Variants in DTWD2 observed in about 807,000 individuals in gnomAD.
DTWD2 encodes the protein tRNA-uridine aminocarboxypropyltransferase 2.
DTWD2 carries 39 observed loss-of-function variants against 31.8 expected under a neutral mutation model. The ratio of observed to expected loss-of-function variants is 1.22; its 90% confidence interval spans 0.95 to 1.60. The LOEUF (loss-of-function observed/expected upper bound fraction) is 1.60, where lower values mean the gene tolerates loss of function less well. Among genes scored for constraint, DTWD2 ranks in the 40% most tolerant of loss-of-function variants. The pLI is 0.00. For missense variants in DTWD2, 515 were observed against 381.5 expected, an observed-to-expected ratio of 1.35 and a Z score of -2.92; for synonymous variants, 180 against 142.8, an observed-to-expected ratio of 1.26 and a Z score of -1.86.
At chr5:118,848,782 T>A (rs1389878416) in intron 4 of DTWD2, among the ~76,000 whole-genome samples, 1 of 152,168 alleles carries the variant, frequency 6.6e-6, no homozygotes, top group African/African-American at 2.4e-5. Flanking sequence ...GGGAAAGGAT[T>A]CCCTATTTAA....
chr5:118,988,243 C>T (rs998859324), intron 1 of DTWD2, 51 bp downstream of exon 1: 2 of 1,530,908 alleles, frequency 1.3e-6, no homozygotes, highest in Non-Finnish European at 1.7e-6. Context: ...GCCGCACCCT[C>T]CTCCGAAGGC....
intron 4 of DTWD2, among the ~76,000 whole-genome samples, chr5:118,849,501 T>C (rs1226068001): frequency 1.3e-5 from 2 of 152,166 alleles, no homozygotes; most frequent in African/African-American, 4.8e-5. Context: ...AGAAACACCA[T>C]TTGACCCAGC....
At chr5:118,950,340 G>C (rs1049737331) in intron 1 of DTWD2, among the ~76,000 whole-genome samples, 4 of 152,030 alleles carry the variant, frequency 2.6e-5, no homozygotes, top group Non-Finnish European at 4.4e-5. Context: ...AACGGTCCTT[G>C]AAAAGAAGGT....
At chr5:118,984,623 G>C (rs11959589) in intron 1 of DTWD2, among the ~76,000 whole-genome samples, 1 of 152,018 alleles carries the variant, frequency 6.6e-6, no homozygotes, top group Non-Finnish European at 1.5e-5. Context: ...CTTACAGCTT[G>C]TTACTTTTGA....
At chr5:118,864,731 G>A (rs576097505) in intron 4 of DTWD2, among the ~76,000 whole-genome samples, 3 of 151,092 alleles carry the variant, frequency 2.0e-5, no homozygotes, top group Admixed American at 6.6e-5. Flanking sequence ...AAACAGAAAC[G>A]GATGCTATTA....
chr5:118,896,656 A>G (rs1753090584), intron 4 of DTWD2, among the ~76,000 whole-genome samples: 1 of 152,224 alleles, frequency 6.6e-6, no homozygotes, highest in Non-Finnish European at 1.5e-5. Context: ...TTTATAAAAT[A>G]TGTGGCCGAA....
intron 3 of DTWD2, among the ~76,000 whole-genome samples, chr5:118,933,555 G>T (rs76428461): frequency 2.0e-5 from 3 of 151,902 alleles, no homozygotes; most frequent in Non-Finnish European, 4.4e-5. Flanking sequence ...AAACATCAAA[G>T]GACTGTATCA....
chr5:118,984,978 A>G (rs1332008788), intron 1 of DTWD2, among the ~76,000 whole-genome samples: 1 of 152,210 alleles, frequency 6.6e-6, no homozygotes, highest in Non-Finnish European at 1.5e-5. Context: ...GTCATGTACA[A>G]AAGTCAAACT....
chr5:118,976,328 A>T (rs1054195514), intron 1 of DTWD2, among the ~76,000 whole-genome samples: 4 of 152,192 alleles, frequency 2.6e-5, no homozygotes, highest in African/African-American at 9.7e-5. Flanking sequence ...GACAAGAAAC[A>T]ACTAAGATCA....
chr5:118,916,269 G>A (rs1429711385), intron 4 of DTWD2, among the ~76,000 whole-genome samples: 1 of 152,162 alleles, frequency 6.6e-6, no homozygotes, highest in Non-Finnish European at 1.5e-5. Flanking sequence ...TCTAAAATCA[G>A]AAACAAAGGA....
intron 4 of DTWD2, among the ~76,000 whole-genome samples, chr5:118,886,653 T>C (rs1752874733): frequency 6.6e-6 from 1 of 152,206 alleles, no homozygotes; most frequent in Non-Finnish European, 1.5e-5. Context: ...GGAGAGAGAA[T>C]GCTGTATACT....
At chr5:118,885,194 C>T (rs1752833896) in intron 4 of DTWD2, among the ~76,000 whole-genome samples, 1 of 151,436 alleles carries the variant, frequency 6.6e-6, no homozygotes, top group South Asian at 2.1e-4. Context: ...TGTCTCATGC[C>T]TGTAATCCCA....
At chr5:118,947,425 C>G (rs1754363979) in intron 1 of DTWD2, among the ~76,000 whole-genome samples, 1 of 152,102 alleles carries the variant, frequency 6.6e-6, no homozygotes, top group African/African-American at 2.4e-5. Context: ...GGTGATCTTC[C>G]CCTGGATTCC....
At chr5:118,870,481 C>G (rs1233303228) in intron 4 of DTWD2, among the ~76,000 whole-genome samples, 1 of 152,176 alleles carries the variant, frequency 6.6e-6, no homozygotes, top group Non-Finnish European at 1.5e-5. Context: ...CACAAACAAA[C>G]AAGTCACACA....
At position 118,840,616 on chromosome 5, in the gene DTWD2, CAAGT is replaced by C. The variant is rs769380670; in HGVS notation, c.*297_*300del. ...ACTACAACAATTTTCTTCTATTTTA[CAAGT>C]AAGAACTTCTAACCTATCACAACAA... On this transcript the variant is annotated 3_prime_UTR_variant, in exon 6 of 6. Coordinates refer to ENST00000510708, the MANE Select transcript of DTWD2 (RefSeq NM_173666.4). The C allele has an allele frequency of 9.8e-5, 19 of 193,198 alleles. No individual in the cohort carries two copies. Among genetic ancestry groups the C allele is most frequent in the Non-Finnish European group, 1.6e-4 (15 of 95,850 alleles). 12.0% of individuals were successfully genotyped at this position (193,198 alleles called of 1,614,324 possible).
intron 4 of DTWD2, among the ~76,000 whole-genome samples, chr5:118,879,426 C>T (rs1168344597): frequency 6.6e-6 from 1 of 151,904 alleles, no homozygotes; most frequent in Non-Finnish European, 1.5e-5. Flanking sequence ...GCCTGGCCAG[C>T]ACGGTGAAAC....
chr5:118,908,144 T>C (rs925697336), intron 4 of DTWD2, among the ~76,000 whole-genome samples: 1 of 152,066 alleles, frequency 6.6e-6, no homozygotes. Flanking sequence ...ACAGATGTAG[T>C]TTTCCCTGTT....
chr5:118,913,684 T>C (rs1459926428), intron 4 of DTWD2, among the ~76,000 whole-genome samples: 1 of 151,904 alleles, frequency 6.6e-6, no homozygotes, highest in African/African-American at 2.4e-5. Flanking sequence ...TGAATAACCG[T>C]AAGTCATAAA....
At position 118,861,113 on chromosome 5, in the gene DTWD2, G is replaced by A. The variant is rs572456916; in HGVS notation, c.598-12895C>T. ...TGTTTGAAAATGCCTTCACATAGAA[G>A]GGTTCTAAAAATGAAATGATGGTTG... is the stretch of plus-strand genomic sequence containing the variant. On this transcript the variant is annotated intron_variant, in intron 4 of 5. Coordinates refer to ENST00000510708, the MANE Select transcript of DTWD2 (RefSeq NM_173666.4). Among the ~76,000 whole-genome samples, 8 of 152,238 alleles carry A rather than the reference G, an allele frequency of 5.3e-5. No individual in the cohort carries two copies. The South Asian group carries it at 1.7e-3, about 32-fold the overall frequency.
Sources: allele counts gnomAD v4.1 joint callset (sites outside exome capture counted in the v4.1 genomes callset), GRCh38; gene constraint gnomAD v4.1.1; transcripts MANE v1.5; gene names NCBI Gene and HGNC (gene_info 2026-07-23, HGNC 2026-07-21).